The following IL23R variants were observed in gnomAD, a reference collection of about 807,000 sequenced individuals.
IL23R encodes the protein interleukin-23 receptor.
IL23R carries 34 observed loss-of-function variants against 56.9 expected under a neutral mutation model. The observed-to-expected ratio is 0.60, with a 90% confidence interval of 0.45 to 0.80. IL23R has a LOEUF of 0.80. Among genes scored for constraint, IL23R ranks in the 30% least tolerant of loss-of-function variants. The pLI, the probability that IL23R is intolerant of heterozygous loss-of-function variation, is 0.00. For synonymous variants in IL23R, 230 were observed against 249.2 expected (o/e 0.92, Z 0.73); for missense variants, 635 against 730.0 (o/e 0.87, Z 1.50).
At chr1:67,168,886 G>C (rs956931739) in intron 2 of IL23R, among the ~76,000 whole-genome samples, 1 of 152,104 alleles carries the variant, frequency 6.6e-6, no homozygotes, top group African/African-American at 2.4e-5. Context: ...GAGGCCAGAC[G>C]AGGTGGCTAA....
chr1:67,241,692 G>C (rs1651865523), intron 9 of IL23R, among the ~76,000 whole-genome samples: 1 of 152,192 alleles, frequency 6.6e-6, no homozygotes, highest in African/African-American at 2.4e-5. Flanking sequence ...ACATTCTGGA[G>C]ATGGCTGCTT....
At chr1:67,170,677 A>T (rs1455353503) in intron 3 of IL23R, among the ~76,000 whole-genome samples, 1 of 152,132 alleles carries the variant, frequency 6.6e-6, no homozygotes, top group Non-Finnish European at 1.5e-5. Flanking sequence ...CATTTTCAGT[A>T]AAAAAATAAA....
At chr1:67,225,476 T>C (rs981274431) in intron 7 of IL23R, among the ~76,000 whole-genome samples, 2 of 151,690 alleles carry the variant, frequency 1.3e-5, no homozygotes, top group Non-Finnish European at 2.9e-5. Context: ...CTGTTTCTCA[T>C]AGTAGGGTCT....
At position 67,240,250 on chromosome 1, in the gene IL23R, A is replaced by T. The variant is rs201752419; in HGVS notation, c.1117A>T (p.Ile373Phe). The change falls in exon 9 of 11, where the codon ATT becomes TTT. Residue 373 changes from isoleucine to phenylalanine, a missense_variant. Physicochemically the swap from Ile to Phe is conservative, Grantham distance 21. Transcript: ENST00000347310. ...TGTTATGTTGTCAATTCTTTCTTTG[A>T]TTGGGATATTTAACAGATCATTCCG... ...FAVMLSILSL[I>F]GIFNRSFRTG... The T allele has an allele frequency of 4.2e-5, 67 of 1,613,084 alleles. No individual in the cohort carries two copies. In the East Asian group the frequency reaches 1.2e-3, roughly 28 times the overall value.
Position 67,236,793 on chromosome 1 carries a change from C to T in IL23R, c.1036C>T (p.Leu346Phe), listed in dbSNP as rs1464115526. The T allele has an allele frequency of 1.2e-6, 2 of 1,605,806 alleles. No individual in the cohort carries two copies. The highest frequency in any genetic ancestry group is 1.1e-5 in the South Asian group (1 of 90,900). The change falls in exon 8 of 11, where the codon CTT becomes TTT. Residue 346 changes from leucine to phenylalanine, a missense_variant. Physicochemically the swap from Leu to Phe is conservative, Grantham distance 22. Transcript: ENST00000347310. Reference sequence around the variant, plus strand: ...AGTTGCTTCCATCTCTACAGGGCACCTTACTTCTGGTAAGAAAATACAACT... The same window carrying T: ...AGTTGCTTCCATCTCTACAGGGCACTTTACTTCTGGTAAGAAAATACAACT... The part of the protein sequence containing the change: ...LTVASISTGH[L>F]TSDNRGDIGL...
chr1:67,244,095 G>A (rs557052931), intron 9 of IL23R, among the ~76,000 whole-genome samples: 17 of 152,034 alleles, frequency 1.1e-4, no homozygotes, highest in Non-Finnish European at 1.9e-4. Context: ...TTTGTTGGCC[G>A]CATAAATGTC....
intron 10 of IL23R, among the ~76,000 whole-genome samples, chr1:67,257,643 CT>C (rs1653023168): frequency 6.6e-6 from 1 of 152,168 alleles, no homozygotes; most frequent in African/African-American, 2.4e-5. Context: ...AGGCTAAAAC[CT>C]TCACCCACCC....
intron 6 of IL23R, among the ~76,000 whole-genome samples, chr1:67,215,641 A>G (rs929692843): frequency 6.6e-6 from 1 of 152,196 alleles, no homozygotes; most frequent in African/African-American, 2.4e-5. Flanking sequence ...CCTGGGCATT[A>G]TTGCAATCCA....
chr1:67,251,730 A>C (rs913408138), intron 9 of IL23R, among the ~76,000 whole-genome samples: 3 of 152,192 alleles, frequency 2.0e-5, no homozygotes, highest in Admixed American at 6.6e-5. Flanking sequence ...GAAAGGACTC[A>C]TTCCTTAACC....
At chr1:67,212,589 A>C (rs1649556359) in intron 6 of IL23R, among the ~76,000 whole-genome samples, 1 of 146,620 alleles carries the variant, frequency 6.8e-6, no homozygotes. Context: ...TCTACTGCCC[A>C]GGCTGGAGCG....
At chr1:67,200,942 G>C (rs1245677882) in intron 5 of IL23R, 45 bp downstream of exon 5, 2 of 1,589,208 alleles carry the variant, frequency 1.3e-6, no homozygotes, top group Middle Eastern at 1.7e-4. Context: ...TAACCAGTTT[G>C]TGCTGACCTT....
chr1:67,138,960 A>C (rs1646608842), exon 1 of IL23R: 1 of 152,348 alleles, frequency 6.6e-6, no homozygotes, highest in South Asian at 2.1e-4. Flanking sequence ...TTGAGCCTTC[A>C]GGGAAGAAGA....
At chr1:67,194,351 G>A (rs116382185) in intron 4 of IL23R, among the ~76,000 whole-genome samples, 2 of 152,104 alleles carry the variant, frequency 1.3e-5, no homozygotes, top group African/African-American at 4.8e-5. Flanking sequence ...CTGGCAACCA[G>A]CCCCTACCCT....
chr1:67,236,593 G>A, intron 7 of IL23R, 120 bp from the exon 8 acceptor site: 2 of 716,304 alleles, frequency 2.8e-6, no homozygotes, highest in South Asian at 1.5e-5. Flanking sequence ...CACCCTTCAA[G>A]CCCATTAAAG....
intron 9 of IL23R, among the ~76,000 whole-genome samples, chr1:67,248,064 A>G (rs56334818): frequency 0.21 from 32,598 of 151,886 alleles, 3,860 homozygotes; most frequent in Non-Finnish European, 0.27. Context: ...CTTCATTTCA[A>G]CGTCGGTGTA....
At chr1:67,242,562 G>C (rs1267390257) in intron 9 of IL23R, among the ~76,000 whole-genome samples, 4 of 152,140 alleles carry the variant, frequency 2.6e-5, no homozygotes, top group South Asian at 4.1e-4. Flanking sequence ...TTACCTTAAG[G>C]GTTCCGATGG....
intron 3 of IL23R, among the ~76,000 whole-genome samples, chr1:67,179,563 A>G (rs1647060464): frequency 6.6e-6 from 1 of 152,142 alleles, no homozygotes; most frequent in Admixed American, 6.5e-5. Flanking sequence ...TTTTTCAAAA[A>G]AAACAGCTCC....
At chr1:67,240,347 T>G in intron 9 of IL23R, 66 bp downstream of exon 9, 1 of 968,186 alleles carries the variant, frequency 1.0e-6, no homozygotes, top group Non-Finnish European at 1.7e-6. Flanking sequence ...CAAAATTTAG[T>G]CATTTCAGTT....
chr1:67,180,909 G>A (rs1453926360), intron 3 of IL23R, among the ~76,000 whole-genome samples: 1 of 152,206 alleles, frequency 6.6e-6, no homozygotes, highest in African/African-American at 2.4e-5. Flanking sequence ...GAAAATCTGA[G>A]TTGAAAATTC....
Sources: allele counts gnomAD v4.1 joint callset (sites outside exome capture counted in the v4.1 genomes callset), GRCh38; gene constraint gnomAD v4.1.1; transcripts MANE v1.5; gene names NCBI Gene and HGNC (gene_info 2026-07-23, HGNC 2026-07-21).